The following TTC39B variants were observed in gnomAD, a reference collection of about 807,000 sequenced individuals.
TTC39B encodes the protein tetratricopeptide repeat protein 39B.
A neutral mutation model predicts 96.6 loss-of-function variants in TTC39B; 92 were observed. That is an observed-to-expected ratio of 0.95 (90% CI 0.80 to 1.13). The LOEUF (loss-of-function observed/expected upper bound fraction) is 1.13, where lower values mean the gene tolerates loss of function less well. Ranked by LOEUF, TTC39B falls within the 50% of genes most tolerant of loss-of-function variation. The pLI, the probability that TTC39B is intolerant of heterozygous loss-of-function variation, is 0.00. For missense variants in TTC39B, 955 were observed against 809.3 expected (o/e 1.18, Z -2.18); for synonymous variants, 367 against 299.4 (o/e 1.23, Z -2.33).
chr9:15,228,289 C>T (rs375830686), intron 2 of TTC39B, among the ~76,000 whole-genome samples: 1 of 152,082 alleles, frequency 6.6e-6, no homozygotes, highest in African/African-American at 2.4e-5. Context: ...CATGGTGAAA[C>T]CCCGTCTCTA....
At chr9:15,278,568 G>C (rs1823636368) in intron 1 of TTC39B, among the ~76,000 whole-genome samples, 1 of 152,154 alleles carries the variant, frequency 6.6e-6, no homozygotes, top group South Asian at 2.1e-4. Context: ...ATCTGGGGCT[G>C]TTTTTGCAGG....
intron 2 of TTC39B, among the ~76,000 whole-genome samples, chr9:15,235,023 C>CAATAAATATATAAATA (rs144388307): frequency 1.2e-4 from 18 of 145,138 alleles, no homozygotes; most frequent in Non-Finnish European, 2.6e-4. Context: ...CAAGAATGAT[C>CAATAAATATATAAATA]AATAAATAAA....
chr9:15,306,704 C>G lies in TTC39B; in HGVS notation c.240+380G>C, dbSNP rs1447992454. ...CCACGAACACCCAGAGAGCCAGTGC[C>G]AGGACTTCAGGGTCAGACTTCGTAA... On this transcript the variant is annotated intron_variant, in intron 1 of 19. Coordinates refer to ENST00000512701, the Ensembl canonical transcript of TTC39B. The surrounding 1 kb of genome is among the most constrained non-coding windows in gnomAD (Gnocchi z 5.1). Among the ~76,000 whole-genome samples the G allele has an allele frequency of 2.6e-5, 4 of 152,228 alleles. No homozygotes were observed. Among genetic ancestry groups the G allele is most frequent in the African/African-American group, 7.2e-5 (3 of 41,470 alleles).
At chr9:15,193,277 T>C (rs1187240012) in intron 8 of TTC39B, among the ~76,000 whole-genome samples, 1 of 152,360 alleles carries the variant, frequency 6.6e-6, no homozygotes, top group East Asian at 1.9e-4. Flanking sequence ...TTCTATGTAT[T>C]TCTCTCTTGC....
chr9:15,196,968 C>T (rs1329283457), intron 8 of TTC39B, among the ~76,000 whole-genome samples: 2 of 152,200 alleles, frequency 1.3e-5, no homozygotes, highest in Admixed American at 6.5e-5. Context: ...GGATGCAAGA[C>T]CTCCACCAAC....
chr9:15,293,163 C>G (rs576649208), intron 1 of TTC39B, among the ~76,000 whole-genome samples: 1 of 152,072 alleles, frequency 6.6e-6, no homozygotes, highest in African/African-American at 2.4e-5. Context: ...GTTATAATGG[C>G]CTACAGTATT....
chr9:15,292,891 A>C (rs1417117216), intron 1 of TTC39B, among the ~76,000 whole-genome samples: 1 of 152,234 alleles, frequency 6.6e-6, no homozygotes, highest in African/African-American at 2.4e-5. Flanking sequence ...AAAAAGTTCC[A>C]TTAATCAAAG....
At chr9:15,234,623 T>C (rs993786730) in intron 2 of TTC39B, among the ~76,000 whole-genome samples, 2 of 152,066 alleles carry the variant, frequency 1.3e-5, no homozygotes, top group African/African-American at 4.8e-5. Flanking sequence ...AGAAATCGGA[T>C]GGTTGCCGTG....
chr9:15,236,193 TA>T (rs1235171152), intron 2 of TTC39B, among the ~76,000 whole-genome samples: 1 of 151,912 alleles, frequency 6.6e-6, no homozygotes, highest in Non-Finnish European at 1.5e-5. Flanking sequence ...AAAACAGACA[TA>T]AACCAACTAA....
intron 7 of TTC39B, among the ~76,000 whole-genome samples, chr9:15,203,078 A>C (rs1819635262): frequency 6.6e-6 from 1 of 152,250 alleles, no homozygotes; most frequent in Non-Finnish European, 1.5e-5. Context: ...CATGCTATGC[A>C]TGCATAACTG....
chr9:15,281,611 C>A (rs1823763321), intron 1 of TTC39B, among the ~76,000 whole-genome samples: 2 of 139,286 alleles, frequency 1.4e-5, no homozygotes, highest in South Asian at 2.2e-4. Flanking sequence ...CTACCAACAT[C>A]CCCCCTGCAA....
intron 1 of TTC39B, among the ~76,000 whole-genome samples, chr9:15,287,620 T>G (rs1356391364): frequency 3.3e-5 from 5 of 152,090 alleles, no homozygotes; most frequent in Non-Finnish European, 7.4e-5. Flanking sequence ...GGCACCTTCA[T>G]TTAAGTTAAA....
chr9:15,228,549 A>C (rs1188891053), intron 2 of TTC39B, among the ~76,000 whole-genome samples: 1 of 152,230 alleles, frequency 6.6e-6, no homozygotes, highest in African/African-American at 2.4e-5. Flanking sequence ...AACTCACCGT[A>C]AACAGTAAAA....
At chr9:15,270,660 G>C (rs1823313217) in intron 1 of TTC39B, among the ~76,000 whole-genome samples, 2 of 150,586 alleles carry the variant, frequency 1.3e-5, no homozygotes, top group African/African-American at 4.9e-5. Context: ...CACACCTGTA[G>C]TCCCAGCTAC....
intron 8 of TTC39B, among the ~76,000 whole-genome samples, chr9:15,198,668 T>A (rs537580301): frequency 6.6e-6 from 1 of 151,556 alleles, no homozygotes; most frequent in African/African-American, 2.4e-5. Context: ...AAAAATGTTA[T>A]TAAAGCAAAA....
chr9:15,208,143 G>A (rs1019288023), intron 6 of TTC39B, among the ~76,000 whole-genome samples: 4 of 151,544 alleles, frequency 2.6e-5, no homozygotes, highest in Non-Finnish European at 5.9e-5. Flanking sequence ...TCCCGCCTCA[G>A]CCTCCTGAGA....
intron 8 of TTC39B, among the ~76,000 whole-genome samples, chr9:15,193,842 T>G (rs972780036): frequency 6.6e-6 from 1 of 152,220 alleles, no homozygotes; most frequent in Non-Finnish European, 1.5e-5. Context: ...GAAAGATGTT[T>G]TACTAAATAA....
At chr9:15,254,187 A>G (rs928304524) in intron 2 of TTC39B, among the ~76,000 whole-genome samples, 2 of 152,098 alleles carry the variant, frequency 1.3e-5, no homozygotes, top group African/African-American at 2.4e-5. Flanking sequence ...GAACCATGCA[A>G]TGAAGGCATC....
intron 1 of TTC39B, among the ~76,000 whole-genome samples, chr9:15,269,976 C>G (rs1823281165): frequency 6.6e-6 from 1 of 152,150 alleles, no homozygotes; most frequent in Admixed American, 6.5e-5. Context: ...TGAGACCAGC[C>G]TGGCCAACAT....
Sources: allele counts gnomAD v4.1 joint callset (sites outside exome capture counted in the v4.1 genomes callset), GRCh38; gene constraint gnomAD v4.1.1; non-coding constraint Gnocchi (gnomAD v3.1); transcripts MANE v1.5; gene names NCBI Gene and HGNC (gene_info 2026-07-23, HGNC 2026-07-21).